The following SMCHD1 variants were observed in gnomAD, a reference collection of about 807,000 sequenced individuals.
The protein encoded by SMCHD1 is structural maintenance of chromosomes flexible hinge domain-containing protein 1.
A neutral mutation model predicts 254.7 loss-of-function variants in SMCHD1; 78 were observed. The ratio of observed to expected loss-of-function variants is 0.31; its 90% CI spans 0.26 to 0.37. The LOEUF (loss-of-function observed/expected upper bound fraction) is 0.37. Ranked by LOEUF, SMCHD1 falls within the 10% of genes least tolerant of loss-of-function variation. The pLI, the probability that SMCHD1 is intolerant of heterozygous loss-of-function variation, is 1.00. For synonymous variants in SMCHD1, 766 were observed against 794.9 expected (o/e 0.96, Z 0.61); for missense variants, 1,840 against 2,408.1 (o/e 0.76, Z 4.94).
At chr18:2,689,820 A>C (rs1433025345) in intron 7 of SMCHD1, among the ~76,000 whole-genome samples, 1 of 144,194 alleles carries the variant, frequency 6.9e-6, no homozygotes, top group Non-Finnish European at 1.5e-5. Flanking sequence ...GTTTAAGACC[A>C]GCCTCTGTAA....
At position 2,675,964 on chromosome 18, in the gene SMCHD1, GT is replaced by G. The variant is rs749749939; in HGVS notation, c.638+1821del. ...GTTTGGTGTCAGTAAACAATCAGTTGTTATTATAGCTGTTAGGTACTCGTAC... is the reference window on the plus strand; with the variant it reads ...GTTTGGTGTCAGTAAACAATCAGTTGTATTATAGCTGTTAGGTACTCGTAC... On this transcript the variant is annotated intron_variant, in intron 5 of 47. Coordinates refer to ENST00000320876, the MANE Select transcript of SMCHD1 (RefSeq NM_015295.3). Among the ~76,000 whole-genome samples the G allele has an allele frequency of 6.4e-4, 97 of 152,262 alleles. No homozygotes were observed. In the Middle Eastern group the frequency reaches 0.01, roughly 16 times the overall value.
In SMCHD1 at chr18:2,732,476, T is replaced by C. The variant is rs930009782; in HGVS notation, c.3260T>C (p.Leu1087Ser). ...AGAGAAATCAATATAACATCAGCTT[T>C]AGCAGAAAAAATTAAAGTAAGTATC... is the stretch of plus-strand genomic sequence containing the variant. Reference protein sequence around the residue: ...GEREINITSALAEKIKVNWTP... With the variant: ...GEREINITSASAEKIKVNWTP... The change falls in exon 25 of 48, where the codon TTA (leucine) becomes TCA (serine). Residue 1087 changes from leucine (L) to serine (S), a missense_variant. By Grantham distance (145) the Leu-to-Ser change is moderately radical. Transcript: ENST00000320876. 14 of 1,598,772 alleles carry C rather than the reference T, an allele frequency of 8.8e-6. No individual in the cohort carries two copies. The highest frequency in any genetic ancestry group is 1.2e-5 in the Non-Finnish European group (14 of 1,170,620).
chr18:2,732,228 G>T, intron 24 of SMCHD1, 37 bp from the exon 25 acceptor site: 2 of 1,519,950 alleles, frequency 1.3e-6, no homozygotes, highest in Non-Finnish European at 1.8e-6. Flanking sequence ...TTTCAGTACA[G>T]ATATCACTCA....
At chr18:2,679,773 T>C (rs1369104324) in intron 5 of SMCHD1, among the ~76,000 whole-genome samples, 1 of 152,152 alleles carries the variant, frequency 6.6e-6, no homozygotes, top group Non-Finnish European at 1.5e-5. Context: ...TTTCTTCAAA[T>C]TTGGGGAGTT....
At position 2,772,132 on chromosome 18, in the gene SMCHD1, A is replaced by G. The variant is rs1014610050; in HGVS notation, c.5053-118A>G. The G allele has an allele frequency of 9.1e-5, 73 of 801,714 alleles. No homozygotes were observed. The African/African-American group carries it at 1.2e-3, about 14-fold the overall frequency. The allele number at this position is 801,714 out of a possible 1,614,324, so 49.7% of individuals were successfully genotyped here. ...GATAGTTTTTTTTTTAATAATGCCTACTTACCAACTTTATATTCTTTAGTT... is the reference window on the plus strand; with the variant it reads ...GATAGTTTTTTTTTTAATAATGCCTGCTTACCAACTTTATATTCTTTAGTT... On this transcript the variant is annotated intron_variant, in intron 40 of 47. Transcript: ENST00000320876.
intron 2 of SMCHD1, 124 bp downstream of exon 2, chr18:2,666,356 GA>G: frequency 1.8e-6 from 1 of 546,284 alleles, no homozygotes. Flanking sequence ...TTGTTGGGAT[GA>G]GGGAGGAAAC....
chr18:2,711,818 A>G (rs2074682805), intron 17 of SMCHD1, among the ~76,000 whole-genome samples: 1 of 152,098 alleles, frequency 6.6e-6, no homozygotes, highest in Admixed American at 6.6e-5. Context: ...TGGAGGTGGG[A>G]CCTAATGGGA....
chr18:2,660,844 A>G (rs1358981933), intron 1 of SMCHD1, among the ~76,000 whole-genome samples: 4 of 152,184 alleles, frequency 2.6e-5, no homozygotes, highest in Non-Finnish European at 5.9e-5. Flanking sequence ...TTTGATGTGG[A>G]TTAAAAACCA....
At chr18:2,748,388 A>ATGT (rs1568301304) in intron 30 of SMCHD1, among the ~76,000 whole-genome samples, 3 of 50,512 alleles carry the variant, frequency 5.9e-5, no homozygotes, top group African/African-American at 4.1e-4. Context: ...GTGTGTATAT[A>ATGT]AATTTTTTTT....
chr18:2,718,342 C>G lies in SMCHD1; in HGVS notation c.2366C>G (p.Thr789Ser). The G allele has an allele frequency of 6.2e-7, 1 of 1,611,136 alleles. No homozygotes were observed. The highest frequency in any genetic ancestry group is 8.5e-7 in the Non-Finnish European group (1 of 1,177,902). ...AATATTCAGAAGTTGGGGAATTATA[C>G]CTTGAAATTACAAGTTGTGTTGAAT... ...MENIQKLGNY[T>S]LKLQVVLNES... Residue 789 changes from threonine (T) to serine (S), a missense_variant, in exon 19 of 48, where the codon ACC becomes AGC. Thr to Ser is a moderately conservative substitution (Grantham distance 58). This residue lies in a region of SMCHD1 where 59 missense variants were observed against 99.2 expected (regional missense o/e 0.59). Coordinates refer to ENST00000320876, the MANE Select transcript of SMCHD1 (RefSeq NM_015295.3). This position sits in a 1 kb window ranked among gnomAD's most constrained non-coding sequence, Gnocchi z 4.6.
intron 5 of SMCHD1, among the ~76,000 whole-genome samples, chr18:2,687,477 A>G (rs1453775140): frequency 1.3e-5 from 2 of 151,804 alleles, no homozygotes; most frequent in African/African-American, 4.8e-5. Context: ...GTCCTGTCTT[A>G]TCTCTTAGTC....
intron 13 of SMCHD1, 51 bp downstream of exon 13, chr18:2,703,937 A>T (rs2074458272): frequency 7.3e-7 from 1 of 1,368,418 alleles, no homozygotes; most frequent in Non-Finnish European, 9.8e-7. Context: ...ATTTAATTTA[A>T]AACACATATG....
intron 20 of SMCHD1, among the ~76,000 whole-genome samples, chr18:2,723,084 G>A (rs2074959194): frequency 6.6e-6 from 1 of 151,964 alleles, no homozygotes; most frequent in African/African-American, 2.4e-5. Flanking sequence ...CAATCTTTTT[G>A]TTTCTGTTTT....
intron 3 of SMCHD1, 38 bp downstream of exon 3, chr18:2,667,069 A>T: frequency 7.0e-7 from 1 of 1,438,604 alleles, no homozygotes; most frequent in East Asian, 2.5e-5. Flanking sequence ...ATAAATTATT[A>T]CCTGCCTTTA....
chr18:2,798,824 C>T (rs1479695920), intron 47 of SMCHD1, among the ~76,000 whole-genome samples: 1 of 152,086 alleles, frequency 6.6e-6, no homozygotes, highest in Admixed American at 6.6e-5. Flanking sequence ...TTTAGAGAGA[C>T]CAGAACCCAC....
intron 45 of SMCHD1, among the ~76,000 whole-genome samples, chr18:2,789,909 C>G (rs1236861527): frequency 2.0e-5 from 3 of 152,162 alleles, no homozygotes; most frequent in Non-Finnish European, 4.4e-5. Context: ...TCAGGCTGGG[C>G]GTGGTGGCTC....
At chr18:2,739,953 C>CT (rs1376462723) in intron 27 of SMCHD1, among the ~76,000 whole-genome samples, 1 of 150,092 alleles carries the variant, frequency 6.7e-6, no homozygotes, top group Non-Finnish European at 1.5e-5. Context: ...TAACATTATA[C>CT]TTTAAGTTCT....
intron 30 of SMCHD1, among the ~76,000 whole-genome samples, chr18:2,748,118 G>T (rs969416965): frequency 1.3e-4 from 20 of 152,152 alleles, no homozygotes; most frequent in African/African-American, 4.8e-4. Context: ...GGAACATACT[G>T]ATATATTTTA....
In SMCHD1 at chr18:2,708,896, ATATATATAT is replaced by A. The variant is rs1427885727; in HGVS notation, c.2260+977_2260+985del. 3.3e-4 allele frequency among the ~76,000 whole-genome samples: 25 copies of A among 76,658 alleles called. 3 individuals are homozygous for A. The highest frequency in any genetic ancestry group is 1.6e-3 in the African/African-American group (24 of 14,918). 50.3% of individuals were successfully genotyped at this position (76,658 alleles called of 152,430 possible). On this transcript the variant is annotated intron_variant, in intron 17 of 47. Coordinates refer to ENST00000320876, the MANE Select transcript of SMCHD1 (RefSeq NM_015295.3). Reference sequence around the variant, plus strand: ...TATATATATATATATATATATATATATATATATATATAACATATTAACATGAAATTTATG... The same window carrying A: ...TATATATATATATATATATATATATAATAACATATTAACATGAAATTTATG...
Sources: allele counts gnomAD v4.1 joint callset (sites outside exome capture counted in the v4.1 genomes callset), GRCh38; gene constraint gnomAD v4.1.1; regional missense constraint gnomAD v4.1.1; non-coding constraint Gnocchi (gnomAD v3.1); transcripts MANE v1.5; gene names NCBI Gene and HGNC (gene_info 2026-07-23, HGNC 2026-07-21).